ZNF705G: variants seen among roughly 807,000 people sequenced by gnomAD.
The protein encoded by ZNF705G is putative zinc finger protein 705G.
Under a neutral mutation model 19.6 loss-of-function variants are expected in ZNF705G, and 23 were observed. The observed-to-expected ratio is 1.17, with a 90% CI of 0.84 to 1.66. ZNF705G has a LOEUF of 1.66. ZNF705G is among the 40% of genes most tolerant of loss of function. The pLI is 0.00. For missense variants in ZNF705G, 457 were observed against 354.4 expected, an observed-to-expected ratio of 1.29 and a Z score of -2.32; for synonymous variants, 146 against 117.7, an observed-to-expected ratio of 1.24 and a Z score of -1.56.
intron 1 of ZNF705G, among the ~76,000 whole-genome samples, chr8:7,384,208 G>T (rs1431172155): frequency 2.2e-5 from 3 of 138,686 alleles, no homozygotes; most frequent in East Asian, 2.0e-4. Context: ...GAGTGATCTT[G>T]TGCAAATAAT....
chr8:7,364,396 T>C (rs1380015505), intron 2 of ZNF705G, among the ~76,000 whole-genome samples: 3 of 149,774 alleles, frequency 2.0e-5, no homozygotes, highest in Non-Finnish European at 4.4e-5. Flanking sequence ...GTATTAATTG[T>C]GACATTGTGC....
rs1436838360 is a variant in ZNF705G, at chr8:7,355,685, C to G, written c.*2291G>C. 1.3e-5 allele frequency: 2 copies of G among 149,688 alleles called. No individual in the cohort carries two copies. Among genetic ancestry groups the G allele is most frequent in the Admixed American group, 6.6e-5 (1 of 15,254 alleles). The allele number at this position is 149,688 out of a possible 1,614,324, so 9.3% of individuals were successfully genotyped here. A position where few individuals can be genotyped will look rare whatever the true frequency, so the allele number is the denominator to read the frequency against. On this transcript the variant is annotated 3_prime_UTR_variant, in exon 7 of 7. Coordinates refer to ENST00000400156, the MANE Select transcript of ZNF705G (RefSeq NM_001164457.3). Reference sequence around the variant, plus strand: ...TGGAGATCTGCCACCATGCATTTGTCAAATCCCATAGAATTTCACAGCACA... The same window carrying G: ...TGGAGATCTGCCACCATGCATTTGTGAAATCCCATAGAATTTCACAGCACA...
At chr8:7,376,753 C>T (rs1221576335) in intron 2 of ZNF705G, among the ~76,000 whole-genome samples, 1 of 150,176 alleles carries the variant, frequency 6.7e-6, no homozygotes, top group Non-Finnish European at 1.5e-5. Flanking sequence ...GTATTAAACA[C>T]ATAGGAATAT....
At chr8:7,382,675 C>T (rs1807547780) in intron 1 of ZNF705G, among the ~76,000 whole-genome samples, 1 of 146,566 alleles carries the variant, frequency 6.8e-6, no homozygotes, top group African/African-American at 2.8e-5. Flanking sequence ...CTGTCAACTG[C>T]CTCTTTCCAC....
intron 2 of ZNF705G, among the ~76,000 whole-genome samples, chr8:7,370,241 A>G (rs1807041257): frequency 6.9e-6 from 1 of 145,844 alleles, no homozygotes; most frequent in African/African-American, 2.8e-5. Context: ...ACTGCACTCC[A>G]GCCTGTGTGA....
At chr8:7,367,984 T>C (rs1806936919) in intron 2 of ZNF705G, among the ~76,000 whole-genome samples, 1 of 149,486 alleles carries the variant, frequency 6.7e-6, no homozygotes, top group Non-Finnish European at 1.5e-5. Context: ...TTATCTACCT[T>C]CCAAGGCAAG....
intron 2 of ZNF705G, among the ~76,000 whole-genome samples, chr8:7,368,779 C>A (rs2128841343): frequency 6.7e-6 from 1 of 149,782 alleles, no homozygotes; most frequent in South Asian, 2.1e-4. Flanking sequence ...GTGCTCACAG[C>A]AATCTAGGTC....
chr8:7,361,085 T>C lies in ZNF705G; in HGVS notation c.139+25A>G, dbSNP rs535265526. The C allele has an allele frequency of 7.6e-5, 121 of 1,592,848 alleles. 1 individual carries two copies. The highest frequency in any genetic ancestry group is 3.2e-4 in the African/African-American group (23 of 71,124). Reference sequence around the variant, plus strand: ...GAATGAGTGAATGTGTCTCTACATATGTACATGAATGTTCAGGGACTCACC... The same window carrying C: ...GAATGAGTGAATGTGTCTCTACATACGTACATGAATGTTCAGGGACTCACC... On this transcript the variant is annotated intron_variant, in intron 4 of 6. Coordinates refer to ENST00000400156, the MANE Select transcript of ZNF705G (RefSeq NM_001164457.3).
chr8:7,363,835 G>A (rs1806719351), intron 2 of ZNF705G, among the ~76,000 whole-genome samples: 1 of 149,090 alleles, frequency 6.7e-6, no homozygotes, highest in South Asian at 2.1e-4. Flanking sequence ...AAAAAAATCT[G>A]TTTTAGGATG....
At position 7,358,832 on chromosome 8, in the gene ZNF705G, C is replaced by G. The variant is rs573445138; in HGVS notation, c.319-272G>C. ...CAAGATGAAAAGCTACACGCCTCCC[C>G]CATATTTTGCCCATGAGGAAATTCC... On this transcript the variant is annotated intron_variant, in intron 6 of 6. Transcript: ENST00000400156. Among the ~76,000 whole-genome samples the G allele has an allele frequency of 9.3e-4, 139 of 149,498 alleles. 15 individuals are homozygous for G. The highest frequency in any genetic ancestry group is 3.4e-3 in the African/African-American group (131 of 38,956).
At chr8:7,370,438 G>A (rs1807052632) in intron 2 of ZNF705G, among the ~76,000 whole-genome samples, 1 of 149,652 alleles carries the variant, frequency 6.7e-6, no homozygotes, top group Non-Finnish European at 1.5e-5. Context: ...TCAAAAAGAT[G>A]TATAACAAGT....
chr8:7,378,852 G>T (rs1807357857), intron 2 of ZNF705G, among the ~76,000 whole-genome samples: 1 of 146,876 alleles, frequency 6.8e-6, no homozygotes, highest in Non-Finnish European at 1.5e-5. Context: ...TAATTTCACA[G>T]GAAACCTCAA....
intron 4 of ZNF705G, 114 bp from the exon 5 acceptor site, chr8:7,360,446 C>T (rs1353735482): frequency 7.9e-6 from 12 of 1,509,452 alleles, no homozygotes; most frequent in Admixed American, 1.8e-5. Context: ...TCAGCTCAGG[C>T]CACAAGACCT....
At position 7,369,827 on chromosome 8, in the gene ZNF705G, A is replaced by G. The variant is rs189067363; in HGVS notation, c.-71-6810T>C. Among the ~76,000 whole-genome samples, 128 of 149,400 alleles carry G rather than the reference A, an allele frequency of 8.6e-4. 1 individual carries two copies. The highest frequency in any genetic ancestry group is 3.2e-3 in the Admixed American group (49 of 15,226). ...CATATGTTCTTAGTTATAAGTGAGA[A>G]CAAAGCATTGGTTACACATGGACGT... On this transcript the variant is annotated intron_variant, in intron 2 of 6. Coordinates refer to ENST00000400156, the MANE Select transcript of ZNF705G (RefSeq NM_001164457.3).
At chr8:7,360,827 T>G (rs535496603) in intron 4 of ZNF705G, among the ~76,000 whole-genome samples, 1 of 149,668 alleles carries the variant, frequency 6.7e-6, no homozygotes, top group Non-Finnish European at 1.5e-5. Flanking sequence ...AAAACATTCA[T>G]TAAGTTCCCA....
rs1266458046 is a variant in ZNF705G, at chr8:7,355,843, T to G, written c.*2133A>C. 6 of 149,626 alleles carry G rather than the reference T, an allele frequency of 4.0e-5. 1 individual carries two copies. Among genetic ancestry groups the G allele is most frequent in the African/African-American group, 1.5e-4 (6 of 39,028 alleles). The allele number at this position is 149,626 out of a possible 1,614,324, so 9.3% of individuals were successfully genotyped here. ...TCTGCCTGGACACAGTCCTTGCCTCTCCAACCAGTTTGCCAAGGGCTTGAA... is the reference window on the plus strand; with the variant it reads ...TCTGCCTGGACACAGTCCTTGCCTCGCCAACCAGTTTGCCAAGGGCTTGAA... On this transcript the variant is annotated 3_prime_UTR_variant, in exon 7 of 7. Coordinates refer to ENST00000400156, the MANE Select transcript of ZNF705G (RefSeq NM_001164457.3).
At chr8:7,385,023 T>C (rs1452866943) in intron 1 of ZNF705G, among the ~76,000 whole-genome samples, 1 of 146,982 alleles carries the variant, frequency 6.8e-6, no homozygotes, top group Non-Finnish European at 1.5e-5. Context: ...AAAAGAAAGA[T>C]AATATTTTTT....
At chr8:7,359,741 G>A in intron 5 of ZNF705G, 40 bp from the exon 6 acceptor site, 2 of 1,604,614 alleles carry the variant, frequency 1.2e-6, no homozygotes, top group Non-Finnish European at 1.7e-6. Flanking sequence ...TTGGTATTAT[G>A]GTAATAAAAT....
At chr8:7,359,806 T>C (rs1401617528) in intron 5 of ZNF705G, 105 bp from the exon 6 acceptor site, 2 of 1,524,176 alleles carry the variant, frequency 1.3e-6, no homozygotes, top group Non-Finnish European at 1.8e-6. Context: ...CACGTAGATG[T>C]GGCAAGTGTG....
Sources: allele counts gnomAD v4.1 joint callset (sites outside exome capture counted in the v4.1 genomes callset), GRCh38; gene constraint gnomAD v4.1.1; transcripts MANE v1.5; gene names NCBI Gene and HGNC (gene_info 2026-07-23, HGNC 2026-07-21).